The following DOCK3 variants were observed in gnomAD, a reference collection of about 807,000 sequenced individuals.
DOCK3 encodes dedicator of cytokinesis protein 3.
A neutral mutation model predicts 265.6 loss-of-function variants in DOCK3; 60 were observed. That is an observed-to-expected ratio of 0.23 (90% CI 0.18 to 0.28). DOCK3 has a LOEUF of 0.28. DOCK3 is among the 10% of genes least tolerant of loss of function. The probability of loss-of-function intolerance (pLI) is 1.00; values close to 1 mark genes in which losing one functional copy is unlikely to be tolerated. For synonymous variants in DOCK3, 881 were observed against 938.0 expected (o/e 0.94, Z 1.11); for missense variants, 1,981 against 2,594.3 (o/e 0.76, Z 5.14).
intron 4 of DOCK3, among the ~76,000 whole-genome samples, chr3:50,924,191 AG>A: frequency 6.6e-6 from 1 of 152,224 alleles, no homozygotes; most frequent in East Asian, 1.9e-4. Context: ...GTGAGTCATT[AG>A]GTGTGAGAAT....
intron 2 of DOCK3, among the ~76,000 whole-genome samples, chr3:50,815,771 G>A (rs946600017): frequency 1.3e-4 from 20 of 152,058 alleles, no homozygotes; most frequent in African/African-American, 4.1e-4. Flanking sequence ...AAATTACAAC[G>A]GATTTACTTA....
intron 5 of DOCK3, among the ~76,000 whole-genome samples, chr3:50,989,030 C>G (rs147631220): frequency 1.3e-5 from 2 of 152,258 alleles, no homozygotes; most frequent in Admixed American, 1.3e-4. Context: ...CTGCTACAAG[C>G]TGCAGTTGAC....
chr3:50,934,779 T>TA (rs2051264187), intron 5 of DOCK3, among the ~76,000 whole-genome samples: 1 of 151,758 alleles, frequency 6.6e-6, no homozygotes, highest in African/African-American at 2.4e-5. Context: ...AAAAAAGTAA[T>TA]AAACTTCTCA....
intron 1 of DOCK3, among the ~76,000 whole-genome samples, chr3:50,720,142 A>T (rs531580166): frequency 1.3e-4 from 20 of 152,094 alleles, no homozygotes; most frequent in African/African-American, 4.6e-4. Context: ...TTTTTTTTTA[A>T]AAATTTTTAT....
At chr3:50,695,577 C>G (rs1391677105) in intron 1 of DOCK3, among the ~76,000 whole-genome samples, 1 of 152,182 alleles carries the variant, frequency 6.6e-6, no homozygotes, top group Non-Finnish European at 1.5e-5. Flanking sequence ...CTGTCATGAC[C>G]TCCAAACCCA....
rs2090072078 is a variant in DOCK3 at position 51,221,030 on chromosome 3, C to A, written c.1253-4619C>A. 2.0e-5 allele frequency among the ~76,000 whole-genome samples: 3 copies of A among 152,004 alleles called. No individual in the cohort carries two copies. The South Asian group carries it at 6.2e-4, about 32-fold the overall frequency. On this transcript the variant is annotated intron_variant, in intron 14 of 52. Coordinates refer to ENST00000266037, the MANE Select transcript of DOCK3 (RefSeq NM_004947.5). ...TGAGACTACTCTCAGAAGAAATCTG[C>A]AAACACATCATGAACTGTTTCTCCA...
At chr3:51,009,237 C>T (rs542039544) in intron 5 of DOCK3, among the ~76,000 whole-genome samples, 1 of 152,264 alleles carries the variant, frequency 6.6e-6, no homozygotes, top group South Asian at 2.1e-4. Flanking sequence ...GCTGTGAACC[C>T]ATCTGGTCCT....
At chr3:50,790,150 C>T (rs1461476633) in intron 2 of DOCK3, among the ~76,000 whole-genome samples, 1 of 152,150 alleles carries the variant, frequency 6.6e-6, no homozygotes, top group Admixed American at 6.5e-5. Flanking sequence ...TGTTCATTTG[C>T]ATGGAATATC....
intron 1 of DOCK3, among the ~76,000 whole-genome samples, chr3:50,771,904 C>G (rs1483710676): frequency 1.3e-5 from 2 of 152,054 alleles, no homozygotes; most frequent in Non-Finnish European, 2.9e-5. Context: ...ACAAAAAAAT[C>G]TAGAGCTACT....
At chr3:50,877,543 G>A in intron 3 of DOCK3, 1 of 520,060 alleles carries the variant, frequency 1.9e-6, no homozygotes. Context: ...GATACTGACT[G>A]TGTTGACATA....
At chr3:51,023,546 GCTGGTACTA>G (rs1336096984) in intron 5 of DOCK3, among the ~76,000 whole-genome samples, 1 of 152,046 alleles carries the variant, frequency 6.6e-6, no homozygotes, top group Non-Finnish European at 1.5e-5. Flanking sequence ...CTCCTGAGTA[GCTGGTACTA>G]CAGGTGCACA....
intron 2 of DOCK3, among the ~76,000 whole-genome samples, chr3:50,831,233 T>C (rs1274660815): frequency 6.6e-6 from 1 of 150,886 alleles, no homozygotes; most frequent in African/African-American, 2.4e-5. Context: ...TTATTTTTAA[T>C]TTTTTTTATT....
intron 10 of DOCK3, among the ~76,000 whole-genome samples, chr3:51,146,972 G>A (rs1170534882): frequency 1.3e-5 from 2 of 152,046 alleles, no homozygotes; most frequent in African/African-American, 2.4e-5. Context: ...AAATTAGCTG[G>A]GCATGTGGCG....
intron 9 of DOCK3, among the ~76,000 whole-genome samples, chr3:51,106,408 A>T (rs2083281969): frequency 6.6e-6 from 1 of 152,116 alleles, no homozygotes; most frequent in African/African-American, 2.4e-5. Context: ...CAGCCTCCCC[A>T]TGCCACTTTG....
intron 3 of DOCK3, among the ~76,000 whole-genome samples, chr3:50,856,382 C>A (rs1029410539): frequency 1.3e-5 from 2 of 151,592 alleles, no homozygotes; most frequent in African/African-American, 2.4e-5. Flanking sequence ...GCCATTTTGA[C>A]TGGCATGAGA....
intron 15 of DOCK3, among the ~76,000 whole-genome samples, chr3:51,226,212 G>A (rs566511826): frequency 6.6e-6 from 1 of 152,184 alleles, no homozygotes; most frequent in Non-Finnish European, 1.5e-5. Flanking sequence ...ATAGGACAAA[G>A]AACAGCAGAC....
chr3:51,033,194 G>C (rs1005949122), intron 5 of DOCK3, among the ~76,000 whole-genome samples: 1 of 152,172 alleles, frequency 6.6e-6, no homozygotes, highest in Non-Finnish European at 1.5e-5. Context: ...TGAGACGAAT[G>C]AGCAAGAGCA....
At chr3:51,332,082 TGTA>T (rs1465131442) in intron 33 of DOCK3, among the ~76,000 whole-genome samples, 1 of 152,236 alleles carries the variant, frequency 6.6e-6, no homozygotes, top group East Asian at 1.9e-4. Context: ...CAGTCATCAT[TGTA>T]GCAGCAGCAT....
intron 4 of DOCK3, among the ~76,000 whole-genome samples, chr3:50,910,772 GA>G (rs1179736485): frequency 6.6e-6 from 1 of 152,158 alleles, no homozygotes; most frequent in Non-Finnish European, 1.5e-5. Context: ...GCTGATGGTG[GA>G]TGGGGATTGG....
Sources: allele counts gnomAD v4.1 joint callset (sites outside exome capture counted in the v4.1 genomes callset), GRCh38; gene constraint gnomAD v4.1.1; transcripts MANE v1.5; gene names NCBI Gene and HGNC (gene_info 2026-07-23, HGNC 2026-07-21).